SGCD: variants seen among roughly 807,000 people sequenced by gnomAD.
The protein encoded by SGCD is delta-sarcoglycan.
SGCD carries 18 observed loss-of-function variants against 36.6 expected under a neutral mutation model. That is an observed-to-expected ratio of 0.49 (90% CI 0.34 to 0.73). SGCD has a LOEUF of 0.73. Among genes scored for constraint, SGCD ranks in the 30% least tolerant of loss-of-function variants. The pLI is 0.01. For synonymous variants in SGCD, 133 were observed against 130.6 expected (o/e 1.02, Z -0.12); for missense variants, 387 against 346.7 (o/e 1.12, Z -0.92).
At chr5:155,868,364 T>C (rs375373406), upstream of SGCD, among the ~76,000 whole-genome samples, 15 of 132,878 alleles carry the variant, frequency 1.1e-4, no homozygotes, top group Admixed American at 2.2e-4. Flanking sequence ...TTTTTTCTTT[T>C]TTTTTTTTTT....
At chr5:156,620,598 T>C (rs1174863908) in intron 6 of SGCD, among the ~76,000 whole-genome samples, 2 of 152,038 alleles carry the variant, frequency 1.3e-5, no homozygotes, top group African/African-American at 4.8e-5. Context: ...TAGGGGGAAG[T>C]GTAATGGATG....
intron 1 of SGCD, among the ~76,000 whole-genome samples, chr5:155,955,186 C>T (rs1757626319): frequency 6.6e-6 from 1 of 152,130 alleles, no homozygotes; most frequent in Admixed American, 6.5e-5. Context: ...CTCACAGACA[C>T]TCTCAGAAGA....
rs543807219 is a variant in SGCD, at chr5:156,143,331, G to A, written c.-44+19312G>A. The stretch of plus-strand genomic sequence containing the variant: ...CAGGCAGAAACCTGCTGCAGAGATA[G>A]AGCCCTCACAGAGAACCTCTACTAG... On this transcript the variant is annotated intron_variant, in intron 3 of 9. Transcript: ENST00000517913. 4.6e-5 allele frequency among the ~76,000 whole-genome samples: 7 copies of A among 152,348 alleles called. No homozygotes were observed. The South Asian group carries it at 1.4e-3, about 32-fold the overall frequency.
chr5:155,802,302 A>G, the SGCD span, among the ~76,000 whole-genome samples: 1 of 152,216 alleles, frequency 6.6e-6, no homozygotes, highest in African/African-American at 2.4e-5. Context: ...ATAGTGAGAG[A>G]CATTCCTTGG....
At chr5:156,184,441 G>C (rs921521560) in intron 3 of SGCD, among the ~76,000 whole-genome samples, 1 of 149,170 alleles carries the variant, frequency 6.7e-6, no homozygotes, top group South Asian at 2.1e-4. Flanking sequence ...AATAGTACTT[G>C]GATAAAATAT....
intron 1 of SGCD, among the ~76,000 whole-genome samples, chr5:155,885,675 C>T (rs2113303469): frequency 6.6e-6 from 1 of 152,316 alleles, no homozygotes; most frequent in Non-Finnish European, 1.5e-5. Context: ...CAGAGGAATT[C>T]AGCTTTCTAT....
intron 1 of SGCD, among the ~76,000 whole-genome samples, chr5:155,919,556 A>G (rs1252102651): frequency 6.6e-6 from 1 of 152,154 alleles, no homozygotes; most frequent in East Asian, 1.9e-4. Context: ...TTTGGAGATT[A>G]CAAACTTAAA....
chr5:155,966,702 T>C (rs1757907505), intron 1 of SGCD, among the ~76,000 whole-genome samples: 3 of 152,112 alleles, frequency 2.0e-5, no homozygotes, highest in African/African-American at 4.8e-5. Context: ...ATAATGGTCT[T>C]AAATTCTTGG....
At chr5:155,826,523 T>C in the SGCD span, among the ~76,000 whole-genome samples, 1 of 152,210 alleles carries the variant, frequency 6.6e-6, no homozygotes, top group African/African-American at 2.4e-5. Flanking sequence ...ATCTTTCTGA[T>C]GTCAGCCAGA....
chr5:156,383,374 G>A (rs981139556), intron 3 of SGCD, among the ~76,000 whole-genome samples: 1 of 152,082 alleles, frequency 6.6e-6, no homozygotes. Flanking sequence ...CGTGCAGCAT[G>A]TGCATGTTAG....
the SGCD span, among the ~76,000 whole-genome samples, chr5:155,844,875 A>G: frequency 2.0e-5 from 3 of 152,158 alleles, no homozygotes; most frequent in Non-Finnish European, 4.4e-5. Context: ...CTGTGCTTCC[A>G]TCATCTTTTT....
At chr5:156,100,434 AG>A (rs1471200993) in intron 1 of SGCD, among the ~76,000 whole-genome samples, 1 of 152,208 alleles carries the variant, frequency 6.6e-6, no homozygotes, top group African/African-American at 2.4e-5. Flanking sequence ...AGATGTCTCT[AG>A]TGCATTGCAT....
intron 3 of SGCD, among the ~76,000 whole-genome samples, chr5:156,179,344 A>G (rs1763548252): frequency 6.6e-6 from 1 of 152,210 alleles, no homozygotes; most frequent in Non-Finnish European, 1.5e-5. Flanking sequence ...ATAAAATCCC[A>G]TTATACGGGT....
chr5:156,166,222 C>G (rs983343844), intron 3 of SGCD, among the ~76,000 whole-genome samples: 7 of 149,988 alleles, frequency 4.7e-5, no homozygotes, highest in African/African-American at 1.5e-4. Context: ...TTTAAAATTA[C>G]TAATTGTTGC....
In SGCD at chr5:155,921,106, G is replaced by T. The variant is rs1271163419; in HGVS notation, c.-282+50682G>T. ...AGGATAAAAACACGGTGTCTAAGGA[G>T]GTTGGAATCTCAAGGGAGGTTGGTC... On this transcript the variant is annotated intron_variant, in intron 1 of 9. Coordinates refer to the SGCD transcript ENST00000517913. Among the ~76,000 whole-genome samples the T allele has an allele frequency of 9.9e-5, 15 of 152,154 alleles. No homozygotes were observed. The East Asian group carries it at 2.9e-3, about 29-fold the overall frequency.
rs1440111399 is a variant in SGCD at position 156,168,869 on chromosome 5, AAC to A, written c.-44+44856_-44+44857del. Among the ~76,000 whole-genome samples, 13 of 152,308 alleles carry A rather than the reference AAC, an allele frequency of 8.5e-5. No individual in the cohort carries two copies. The South Asian group carries it at 1.7e-3, about 19-fold the overall frequency. On this transcript the variant is annotated intron_variant, in intron 3 of 9. Coordinates refer to the SGCD transcript ENST00000517913. The stretch of plus-strand genomic sequence containing the variant: ...CAAGAAGTTGGAATCAGCAAGAATA[AAC>A]ACACATGCGCCATGAGCAGTCACTC...
chr5:156,317,111 G>A (rs1358969127), intron 3 of SGCD, among the ~76,000 whole-genome samples: 1 of 152,098 alleles, frequency 6.6e-6, no homozygotes, highest in Non-Finnish European at 1.5e-5. Context: ...GGCTTTGAGT[G>A]TAAACACTTG....
chr5:155,967,085 AT>A (rs970354493), intron 1 of SGCD, among the ~76,000 whole-genome samples: 7 of 151,522 alleles, frequency 4.6e-5, no homozygotes, highest in Non-Finnish European at 1.0e-4. Context: ...ACTAGCAGGC[AT>A]TTTTTTTCCG....
intron 1 of SGCD, among the ~76,000 whole-genome samples, chr5:155,915,506 G>A (rs1404590801): frequency 6.6e-6 from 1 of 152,090 alleles, no homozygotes; most frequent in Non-Finnish European, 1.5e-5. Flanking sequence ...ACTGAATGCA[G>A]GATGAAATCC....
Sources: allele counts gnomAD v4.1 joint callset (sites outside exome capture counted in the v4.1 genomes callset), GRCh38; gene constraint gnomAD v4.1.1; transcripts MANE v1.5; gene names NCBI Gene and HGNC (gene_info 2026-07-23, HGNC 2026-07-21).